Variants in DNAH12 observed in about 807,000 individuals in gnomAD.
The protein encoded by DNAH12 is dynein axonemal heavy chain 12.
DNAH12 carries 285 observed loss-of-function variants against 371.5 expected under a neutral mutation model. The ratio of observed to expected loss-of-function variants is 0.77; its 90% CI spans 0.70 to 0.85. The LOEUF (loss-of-function observed/expected upper bound fraction) is 0.85, where lower values mean the gene tolerates loss of function less well. Among genes scored for constraint, DNAH12 ranks in the 40% least tolerant of loss-of-function variants. The pLI, the probability that DNAH12 is intolerant of heterozygous loss-of-function variation, is 0.00. For synonymous variants in DNAH12, 1,200 were observed against 1,213.0 expected, an observed-to-expected ratio of 0.99 and a Z score of 0.22; for missense variants, 3,611 against 3,689.4, an observed-to-expected ratio of 0.98 and a Z score of 0.55.
Position 57,446,046 on chromosome 3 carries a change from C to G in DNAH12, c.4164G>C (p.Leu1388Phe), listed in dbSNP as rs1364535310. The change falls in exon 27 of 74, where the codon TTG becomes TTC. Residue 1388 changes from leucine to phenylalanine, a missense_variant. Physicochemically the swap from Leu to Phe is conservative, Grantham distance 22. Around this residue, in one of 3 missense-constraint regions of DNAH12, gnomAD observed 2,266 missense variants for 2,236.9 expected, o/e 1.01. Transcript: ENST00000495027. ...MNPGYAGRSE[L>F]PDNLKVLFRT... is the part of the protein sequence containing the mutation. ...ATAATATTACCTTAAGATTGTCCGG[C>G]AATTCAGAGCGTCCTGCATAGCCAG... 3 of 1,547,758 alleles carry G rather than the reference C, an allele frequency of 1.9e-6. No homozygotes were observed. The East Asian group carries it at 7.4e-5, about 38-fold the overall frequency.
chr3:57,534,669 C>T (rs751476300), intron 2 of DNAH12, among the ~76,000 whole-genome samples: 4 of 151,978 alleles, frequency 2.6e-5, no homozygotes, highest in Middle Eastern at 3.4e-3. Flanking sequence ...CCACCATGCC[C>T]GGCTAATTTT....
intron 30 of DNAH12, among the ~76,000 whole-genome samples, chr3:57,434,457 T>C (rs2065057907): frequency 6.6e-6 from 1 of 152,162 alleles, no homozygotes; most frequent in South Asian, 2.1e-4. Flanking sequence ...GGTAACCTAC[T>C]ATATATAAAT....
intron 2 of DNAH12, among the ~76,000 whole-genome samples, chr3:57,538,755 G>C (rs530761451): frequency 6.6e-6 from 1 of 151,932 alleles, no homozygotes; most frequent in Non-Finnish European, 1.5e-5. Flanking sequence ...TCTCACTCTC[G>C]CTCTCTCTGT....
intron 13 of DNAH12, 82 bp from the exon 14 acceptor site, chr3:57,472,753 T>G: frequency 4.1e-5 from 56 of 1,366,998 alleles, no homozygotes; most frequent in South Asian, 5.5e-5. Context: ...CAACAATCTC[T>G]AATACCCTTT....
chr3:57,296,260 G>A, intron 72 of DNAH12, 84 bp downstream of exon 72: 1 of 1,082,778 alleles, frequency 9.2e-7, no homozygotes, highest in Non-Finnish European at 1.3e-6. Context: ...CTTAAAAGAG[G>A]ACTTTTTTTT....
chr3:57,437,876 C>T (rs1334793157), intron 29 of DNAH12, among the ~76,000 whole-genome samples: 1 of 152,194 alleles, frequency 6.6e-6, no homozygotes, highest in African/African-American at 2.4e-5. Context: ...ACTCAGAAGA[C>T]ATTTGAAGCC....
At chr3:57,297,242 C>G (rs2061251172) in intron 70 of DNAH12, 1 of 460,862 alleles carries the variant, frequency 2.2e-6, no homozygotes, top group African/African-American at 2.0e-5. Context: ...CTGCAAAAGC[C>G]AAATGTAAAT....
chr3:57,339,619 C>G (rs183266915), intron 60 of DNAH12, among the ~76,000 whole-genome samples: 195 of 151,894 alleles, frequency 1.3e-3, no homozygotes, highest in Non-Finnish European at 2.2e-3. Flanking sequence ...AATCATAAAA[C>G]TTTGAAAAAA....
chr3:57,536,366 C>T (rs977189811), intron 2 of DNAH12: 2 of 152,086 alleles, frequency 1.3e-5, no homozygotes, highest in African/African-American at 4.8e-5. Context: ...CACTCAAAGT[C>T]CCTCTTAAAG....
intron 58 of DNAH12, among the ~76,000 whole-genome samples, chr3:57,362,638 T>C (rs2062961563): frequency 2.6e-5 from 4 of 152,238 alleles, no homozygotes; most frequent in Admixed American, 6.5e-5. Context: ...CATTTTTTCA[T>C]GTGTCTGTTG....
chr3:57,330,133 A>G lies in DNAH12; in HGVS notation c.9978+4332T>C, dbSNP rs531561017. 7.3e-3 allele frequency among the ~76,000 whole-genome samples: 1,111 copies of G among 151,920 alleles called. 13 individuals carry two copies. Among genetic ancestry groups the G allele is most frequent in the African/African-American group, 0.025 (1,031 of 41,198 alleles). ...GTTGGTGGGACTGTAAACTAGTTCA[A>G]CCATTGTGGAAGTCAGTATGGTGAT... On this transcript the variant is annotated intron_variant, in intron 62 of 73. Coordinates refer to ENST00000495027, the MANE Select transcript of DNAH12 (RefSeq NM_001366028.2).
chr3:57,311,565 GTTACAT>G (rs2061585138), intron 66 of DNAH12, among the ~76,000 whole-genome samples: 1 of 152,204 alleles, frequency 6.6e-6, no homozygotes, highest in South Asian at 2.1e-4. Context: ...TGTCCCCCAG[GTTACAT>G]TTGGCAATGT....
chr3:57,487,928 T>C (rs559054501), intron 12 of DNAH12, among the ~76,000 whole-genome samples: 6 of 152,108 alleles, frequency 3.9e-5, no homozygotes, highest in Non-Finnish European at 8.8e-5. Context: ...TTGTCATTGT[T>C]GTTACTCATC....
intron 70 of DNAH12, 55 bp from the exon 71 acceptor site, chr3:57,297,039 A>G: frequency 1.3e-6 from 2 of 1,530,558 alleles, no homozygotes; most frequent in Non-Finnish European, 1.8e-6. Flanking sequence ...TACAAGTGCC[A>G]CCTGATGTAC....
intron 59 of DNAH12, among the ~76,000 whole-genome samples, chr3:57,356,568 G>GA (rs1210845369): frequency 1.3e-5 from 2 of 151,754 alleles, no homozygotes; most frequent in African/African-American, 4.8e-5. Flanking sequence ...GAGTTGCTAG[G>GA]AAAAATAAAT....
intron 60 of DNAH12, among the ~76,000 whole-genome samples, chr3:57,339,138 C>T (rs1485765052): frequency 4.6e-5 from 7 of 152,038 alleles, no homozygotes; most frequent in Non-Finnish European, 5.9e-5. Context: ...GGATTAAGGG[C>T]GGTGCAAGAT....
At chr3:57,415,375 A>C (rs1229427055) in intron 38 of DNAH12, 51 bp downstream of exon 38, 5 of 1,533,450 alleles carry the variant, frequency 3.3e-6, no homozygotes, top group South Asian at 1.3e-5. Flanking sequence ...ACACTGAGCA[A>C]ATAAGACAAA....
intron 62 of DNAH12, among the ~76,000 whole-genome samples, chr3:57,331,995 C>A (rs1036161038): frequency 2.0e-5 from 3 of 152,138 alleles, no homozygotes; most frequent in Non-Finnish European, 4.4e-5. Context: ...CCCTTGGTGT[C>A]TCTTCTTAGT....
chr3:57,394,662 A>G (rs2063700074), intron 43 of DNAH12, among the ~76,000 whole-genome samples: 1 of 152,220 alleles, frequency 6.6e-6, no homozygotes, highest in African/African-American at 2.4e-5. Context: ...TGGAATATAT[A>G]AAGGCCAGTA....
Sources: gnomAD v4.1 joint callset for allele counts (sites outside exome capture counted in the v4.1 genomes callset) on GRCh38, gnomAD v4.1.1 for gene constraint, gnomAD v4.1.1 regional missense constraint, MANE v1.5 for transcripts, NCBI Gene and HGNC (gene_info 2026-07-23, HGNC 2026-07-21) for gene names.